Variants in POLR3E observed in about 807,000 individuals in gnomAD.
POLR3E encodes the protein RNA polymerase III subunit E.
Under a neutral mutation model 96.6 loss-of-function variants are expected in POLR3E, and 41 were observed. The ratio of observed to expected loss-of-function variants is 0.42; its 90% CI spans 0.33 to 0.55. The LOEUF (loss-of-function observed/expected upper bound fraction) is 0.55. Ranked by LOEUF, POLR3E falls within the 20% of genes least tolerant of loss-of-function variation. The probability of loss-of-function intolerance (pLI) is 0.06; values close to 1 mark genes in which losing one functional copy is unlikely to be tolerated. For synonymous variants in POLR3E, 396 were observed against 383.6 expected (o/e 1.03, Z -0.38); for missense variants, 849 against 952.1 (o/e 0.89, Z 1.43).
At chr16:22,328,708 C>G in intron 19 of POLR3E, 121 bp downstream of exon 19, 2 of 785,232 alleles carry the variant, frequency 2.5e-6, no homozygotes, top group South Asian at 1.4e-5. Flanking sequence ...CTGGCACACT[C>G]GGTTTTAAAT....
rs974019802 is a variant in POLR3E at position 22,318,206 on chromosome 16, G to A, written c.866-620G>A. Among the ~76,000 whole-genome samples, 10 of 152,024 alleles carry A rather than the reference G, an allele frequency of 6.6e-5. No homozygotes were observed. Among genetic ancestry groups the A allele is most frequent in the Non-Finnish European group, 1.5e-4 (10 of 67,998 alleles). On this transcript the variant is annotated intron_variant, in intron 12 of 20. Coordinates refer to ENST00000299853, the MANE Select transcript of POLR3E (RefSeq NM_018119.4). The surrounding 1 kb of genome is among the most constrained non-coding windows in gnomAD (Gnocchi z 5.0). Reference sequence around the variant, plus strand: ...CCTCCCGGGTTCAAGCAATTCTCATGCCTCAGCCTCTGGAGTAGCTGGGAC... The same window carrying A: ...CCTCCCGGGTTCAAGCAATTCTCATACCTCAGCCTCTGGAGTAGCTGGGAC...
intron 6 of POLR3E, among the ~76,000 whole-genome samples, chr16:22,310,790 G>T (rs1217469333): frequency 2.0e-5 from 3 of 152,020 alleles, no homozygotes; most frequent in Non-Finnish European, 4.4e-5. Context: ...GGGCATGGTG[G>T]CACATCCCTT....
intron 13 of POLR3E, among the ~76,000 whole-genome samples, chr16:22,321,400 G>T (rs2048468906): frequency 6.6e-6 from 1 of 152,218 alleles, no homozygotes; most frequent in South Asian, 2.1e-4. Flanking sequence ...TCGTGTTACT[G>T]CCACCTGGTG....
At chr16:22,317,791 C>T (rs2141779004) in intron 12 of POLR3E, among the ~76,000 whole-genome samples, 1 of 152,000 alleles carries the variant, frequency 6.6e-6, no homozygotes, top group East Asian at 1.9e-4. Context: ...AAGCAGACGC[C>T]ATTCACTGCA....
chr16:22,309,280 C>T (rs1010997613), intron 5 of POLR3E, 148 bp from the exon 6 acceptor site: 2 of 736,770 alleles, frequency 2.7e-6, no homozygotes, highest in Non-Finnish European at 4.8e-6. Flanking sequence ...CCCCAGGCTG[C>T]CCTCCTGAGA....
chr16:22,334,294 CAG>C lies in POLR3E; in HGVS notation c.*596_*597del, dbSNP rs1320143339. 6.6e-6 allele frequency: 1 copy of C among 152,210 alleles called. No individual in the cohort carries two copies. The highest frequency in any genetic ancestry group is 2.4e-5 in the African/African-American group (1 of 41,458). 9.4% of individuals were successfully genotyped at this position (152,210 alleles called of 1,614,324 possible). On this transcript the variant is annotated 3_prime_UTR_variant, in exon 21 of 21. Coordinates refer to ENST00000299853, the MANE Select transcript of POLR3E (RefSeq NM_018119.4). ...TTTACATGAACCATAGCAAAAAAATCAGAATCAAATCCATCTCCTTTTAATGT... is the reference window on the plus strand; with the variant it reads ...TTTACATGAACCATAGCAAAAAAATCAATCAAATCCATCTCCTTTTAATGT...
intron 20 of POLR3E, among the ~76,000 whole-genome samples, chr16:22,332,967 C>CTTT (rs1166614906): frequency 3.1e-3 from 229 of 73,046 alleles, no homozygotes; most frequent in East Asian, 5.2e-3. Context: ...CGTAGACCCC[C>CTTT]TTTTTTTTTT....
intron 13 of POLR3E, among the ~76,000 whole-genome samples, chr16:22,320,605 T>C (rs768692536): frequency 3.9e-5 from 6 of 152,212 alleles, no homozygotes; most frequent in Admixed American, 6.5e-5. Flanking sequence ...CATAAGACAT[T>C]ACTGTATCCA....
intron 18 of POLR3E, 139 bp downstream of exon 18, chr16:22,326,417 G>C (rs550425838): frequency 7.3e-4 from 540 of 735,926 alleles, no homozygotes; most frequent in Non-Finnish European, 1.1e-3. Context: ...ACATGGGCAA[G>C]TCAGCCTCTC....
At chr16:22,316,766 G>T (rs2048363948) in intron 10 of POLR3E, 80 bp downstream of exon 10, 2 of 1,214,326 alleles carry the variant, frequency 1.6e-6, no homozygotes, top group Admixed American at 1.7e-5. Flanking sequence ...CCTCCCAGAG[G>T]ACTGTGGCCC....
chr16:22,311,266 G>GT (rs1808268678), intron 6 of POLR3E, among the ~76,000 whole-genome samples: 1 of 94,140 alleles, frequency 1.1e-5, no homozygotes, highest in Non-Finnish European at 1.9e-5. Flanking sequence ...ACTGTGCCCA[G>GT]CCTTTTTTTT....
intron 19 of POLR3E, among the ~76,000 whole-genome samples, chr16:22,329,459 G>T (rs1408788257): frequency 6.6e-6 from 1 of 152,098 alleles, no homozygotes; most frequent in Non-Finnish European, 1.5e-5. Flanking sequence ...TAATTTGATG[G>T]TCGAAACGCC....
At chr16:22,301,397 T>C (rs1297184050) in intron 1 of POLR3E, among the ~76,000 whole-genome samples, 1 of 150,228 alleles carries the variant, frequency 6.7e-6, no homozygotes, top group Non-Finnish European at 1.5e-5. Flanking sequence ...GCCTGGCCAA[T>C]ATGGCAAAGC....
chr16:22,305,685 T>C (rs2048119425), intron 3 of POLR3E, among the ~76,000 whole-genome samples: 1 of 152,148 alleles, frequency 6.6e-6, no homozygotes, highest in Non-Finnish European at 1.5e-5. Flanking sequence ...GGCAGCTCCA[T>C]GGCAGCGTCT....
chr16:22,302,895 C>G, intron 1 of POLR3E, 36 bp from the exon 2 acceptor site: 1 of 1,402,272 alleles, frequency 7.1e-7, no homozygotes, highest in South Asian at 1.2e-5. Context: ...GTTGGTTGAA[C>G]GACTGATGGT....
intron 1 of POLR3E, chr16:22,299,057 G>C (rs748442221): frequency 2.2e-6 from 1 of 456,042 alleles, no homozygotes; most frequent in South Asian, 1.5e-5. Context: ...ATTAAGATGA[G>C]ACCCACCAAG....
chr16:22,313,750 T>C lies in POLR3E; in HGVS notation c.472+23T>C. ...AGGGTGAGCCCGGGATCCCCAGCCC[T>C]GCTGCCTGCCTGCCTTCATCCTGGT... On this transcript the variant is annotated intron_variant, in intron 7 of 20. Coordinates refer to ENST00000299853, the MANE Select transcript of POLR3E (RefSeq NM_018119.4). This position sits in a 1 kb window ranked among gnomAD's most constrained non-coding sequence, Gnocchi z 4.1. 6.7e-7 allele frequency: 1 copy of C among 1,500,086 alleles called. No homozygotes were observed. Among genetic ancestry groups the C allele is most frequent in the Non-Finnish European group, 9.3e-7 (1 of 1,080,804 alleles). 92.9% of individuals were successfully genotyped at this position (1,500,086 alleles called of 1,614,324 possible). A position where few individuals can be genotyped will look rare whatever the true frequency, so the allele number is the denominator to read the frequency against.
At chr16:22,311,268 C>CTTTTTTTT (rs57435708) in intron 6 of POLR3E, among the ~76,000 whole-genome samples, 3 of 109,422 alleles carry the variant, frequency 2.7e-5, no homozygotes, top group Admixed American at 1.1e-4. Context: ...TGTGCCCAGC[C>CTTTTTTTT]TTTTTTTTTT....
At position 22,333,907 on chromosome 16, in the gene POLR3E, GAGACCA is replaced by G. The variant is rs2048796916; in HGVS notation, c.*208_*213del. Reference sequence around the variant, plus strand: ...TAAGTTAGTTAGATCACTCCCAGAAGAGACCAGCTGGGACCTTCTTTGCAGTACAAT... The same window carrying G: ...TAAGTTAGTTAGATCACTCCCAGAAGGCTGGGACCTTCTTTGCAGTACAAT... On this transcript the variant is annotated 3_prime_UTR_variant, in exon 21 of 21. Coordinates refer to ENST00000299853, the MANE Select transcript of POLR3E (RefSeq NM_018119.4). 2.1e-6 allele frequency: 1 copy of G among 475,132 alleles called. No homozygotes were observed. Among genetic ancestry groups the G allele is most frequent in the Admixed American group, 3.5e-5 (1 of 28,230 alleles). 29.4% of individuals were successfully genotyped at this position (475,132 alleles called of 1,614,324 possible).
Sources: gnomAD v4.1 joint callset for allele counts (sites outside exome capture counted in the v4.1 genomes callset) on GRCh38, gnomAD v4.1.1 for gene constraint, Gnocchi (gnomAD v3.1) non-coding constraint, MANE v1.5 for transcripts, NCBI Gene and HGNC (gene_info 2026-07-23, HGNC 2026-07-21) for gene names.